Variants in ARHGAP24 observed in about 807,000 individuals in gnomAD.
ARHGAP24 encodes the protein Rho GTPase activating protein 24.
Under a neutral mutation model 76.4 loss-of-function variants are expected in ARHGAP24, and 50 were observed. The ratio of observed to expected loss-of-function variants is 0.65; its 90% CI spans 0.52 to 0.83. The LOEUF is 0.83. ARHGAP24 is among the 40% of genes least tolerant of loss of function. ARHGAP24 has a pLI of 0.00. For missense variants in ARHGAP24, 930 were observed against 914.2 expected (o/e 1.02, Z -0.22); for synonymous variants, 345 against 323.3 (o/e 1.07, Z -0.72).
At chr4:85,694,519 A>G (rs1723798166) in intron 2 of ARHGAP24, among the ~76,000 whole-genome samples, 1 of 152,138 alleles carries the variant, frequency 6.6e-6, no homozygotes, top group Non-Finnish European at 1.5e-5. Context: ...ATTGTTATTA[A>G]CAAGTATTAA....
chr4:85,518,060 T>C (rs565049200), intron 1 of ARHGAP24, among the ~76,000 whole-genome samples: 30 of 152,200 alleles, frequency 2.0e-4, no homozygotes, highest in African/African-American at 7.2e-4. Context: ...TCTAAGGCCA[T>C]TGAAGTTAGG....
chr4:85,632,963 A>G (rs1441684404), intron 2 of ARHGAP24, among the ~76,000 whole-genome samples: 1 of 151,764 alleles, frequency 6.6e-6, no homozygotes, highest in East Asian at 1.9e-4. Context: ...TTTTGTTCCA[A>G]TGGGTAACAT....
At chr4:85,981,866 G>A (rs973851751) in intron 8 of ARHGAP24, among the ~76,000 whole-genome samples, 8 of 151,988 alleles carry the variant, frequency 5.3e-5, no homozygotes, top group Non-Finnish European at 1.0e-4. Context: ...ACTTTTAGCC[G>A]CTCTTCTTAA....
intron 2 of ARHGAP24, among the ~76,000 whole-genome samples, chr4:85,664,532 A>C (rs560919879): frequency 6.7e-6 from 1 of 150,162 alleles, no homozygotes; most frequent in East Asian, 1.9e-4. Context: ...CTCTGATTTT[A>C]GTTATTTCTT....
rs779499241 is a variant in ARHGAP24 at position 85,994,578 on chromosome 4, T to C, written c.929-5T>C. On this transcript the variant is annotated splice_region_variant and splice_polypyrimidine_tract_variant and intron_variant, in intron 8 of 9. Transcript: ENST00000395184. The stretch of plus-strand genomic sequence containing the variant: ...CATGCTACTTTATGTTCTATGCAAT[T>C]CTAGGCACTGTGGTGGTCCAGCAGT... 6.2e-7 allele frequency: 1 copy of C among 1,613,978 alleles called. No individual in the cohort carries two copies. Among genetic ancestry groups the C allele is most frequent in the Non-Finnish European group, 8.5e-7 (1 of 1,179,858 alleles).
chr4:85,982,040 T>C lies in ARHGAP24; in HGVS notation c.928+4349T>C, dbSNP rs149351681. ...GGGATTTGTCTCGACCAACATGTATTTGGGGCTTTTGGGAGATACCCTGTC... is the reference window on the plus strand; with the variant it reads ...GGGATTTGTCTCGACCAACATGTATCTGGGGCTTTTGGGAGATACCCTGTC... On this transcript the variant is annotated intron_variant, in intron 8 of 9. Coordinates refer to ENST00000395184, the MANE Select transcript of ARHGAP24 (RefSeq NM_001025616.3). Among the ~76,000 whole-genome samples the C allele has an allele frequency of 5.2e-3, 794 of 151,842 alleles. 4 individuals carry two copies. Among genetic ancestry groups the C allele is most frequent in the Non-Finnish European group, 8.5e-3 (578 of 67,962 alleles).
intron 3 of ARHGAP24, among the ~76,000 whole-genome samples, chr4:85,810,903 T>C (rs1325969932): frequency 6.6e-6 from 1 of 152,204 alleles, no homozygotes; most frequent in African/African-American, 2.4e-5. Context: ...AACATGTCCA[T>C]TAATCAAAAC....
chr4:85,717,281 A>G (rs900664685), intron 2 of ARHGAP24, among the ~76,000 whole-genome samples: 1 of 152,078 alleles, frequency 6.6e-6, no homozygotes, highest in African/African-American at 2.4e-5. Context: ...TAGTTTCTGT[A>G]CATGTTTCTT....
At chr4:85,482,109 G>T (rs1271142093) in intron 1 of ARHGAP24, among the ~76,000 whole-genome samples, 4 of 152,328 alleles carry the variant, frequency 2.6e-5, no homozygotes, top group African/African-American at 9.6e-5. Flanking sequence ...AAGAAAATAT[G>T]ATCCGGGGGA....
intron 3 of ARHGAP24, among the ~76,000 whole-genome samples, chr4:85,736,387 AGAAG>A (rs970610452): frequency 6.0e-4 from 92 of 152,136 alleles, no homozygotes; most frequent in African/African-American, 1.8e-3. Context: ...AAAGAAAGAA[AGAAG>A]GAAGGAAGGA....
chr4:85,832,456 G>C (rs1023823715), intron 3 of ARHGAP24, among the ~76,000 whole-genome samples: 1 of 152,168 alleles, frequency 6.6e-6, no homozygotes, highest in East Asian at 1.9e-4. Flanking sequence ...GGCCCACAAG[G>C]CCTCAGATGA....
chr4:85,570,543 TGGA>T lies in ARHGAP24; in HGVS notation c.7_9del (p.Glu3?). 1 of 1,613,896 alleles carries T rather than the reference TGGA, an allele frequency of 6.2e-7. No individual in the cohort carries two copies. Among genetic ancestry groups the T allele is most frequent in the Non-Finnish European group, 8.5e-7 (1 of 1,179,970 alleles). On this transcript the variant is annotated start_lost and inframe_deletion, in exon 2 of 10. Coordinates refer to ENST00000395184, the MANE Select transcript of ARHGAP24 (RefSeq NM_001025616.3). ...CTAGGAAAGTCCATCAGCTTGATAA[TGGA>T]GGAGAACAATGACTCCACGGAGAAC...
chr4:85,860,205 A>G (rs2110175039), intron 3 of ARHGAP24, among the ~76,000 whole-genome samples: 1 of 152,234 alleles, frequency 6.6e-6, no homozygotes, highest in Non-Finnish European at 1.5e-5. Context: ...GATGAATTAC[A>G]GGGTAAGGTA....
intron 2 of ARHGAP24, among the ~76,000 whole-genome samples, chr4:85,598,592 GA>G (rs2109986332): frequency 6.6e-6 from 1 of 152,086 alleles, no homozygotes; most frequent in Non-Finnish European, 1.5e-5. Flanking sequence ...ATAATAAGAT[GA>G]ATAGGATCAA....
At chr4:85,633,936 G>T (rs1417992808) in intron 2 of ARHGAP24, among the ~76,000 whole-genome samples, 1 of 151,768 alleles carries the variant, frequency 6.6e-6, no homozygotes, top group African/African-American at 2.4e-5. Context: ...TCATTGAAAA[G>T]TCTTTAGTTG....
chr4:85,629,889 A>T (rs1273881419), intron 2 of ARHGAP24, among the ~76,000 whole-genome samples: 1 of 152,030 alleles, frequency 6.6e-6, no homozygotes, highest in Non-Finnish European at 1.5e-5. Flanking sequence ...TACCTTGACA[A>T]ATTTGGGGTT....
In ARHGAP24 at chr4:85,651,321, G is replaced by A. The variant is rs565216829; in HGVS notation, c.181-70564G>A. ...TTGGGGGTGTTGTAGGGAAAAGATCGATAAGGAGACTAATTCATCAGTCCA... is the reference window on the plus strand; with the variant it reads ...TTGGGGGTGTTGTAGGGAAAAGATCAATAAGGAGACTAATTCATCAGTCCA... On this transcript the variant is annotated intron_variant, in intron 2 of 9. Transcript: ENST00000395184. Among the ~76,000 whole-genome samples the A allele has an allele frequency of 3.8e-4, 56 of 149,286 alleles. 9 individuals are homozygous for A. The highest frequency in any genetic ancestry group is 1.4e-3 in the African/African-American group (55 of 38,776).
chr4:85,713,053 G>A (rs547923499), intron 2 of ARHGAP24, among the ~76,000 whole-genome samples: 4 of 152,096 alleles, frequency 2.6e-5, no homozygotes, highest in African/African-American at 7.2e-5. Flanking sequence ...ATCCCAGCAC[G>A]TGAAGAGTCT....
intron 5 of ARHGAP24, among the ~76,000 whole-genome samples, chr4:85,957,058 T>C (rs1737959436): frequency 6.6e-6 from 1 of 152,176 alleles, no homozygotes; most frequent in Non-Finnish European, 1.5e-5. Context: ...TAGTGAGCTT[T>C]CTTTACTATC....
Sources: gnomAD v4.1 joint callset for allele counts (sites outside exome capture counted in the v4.1 genomes callset) on GRCh38, gnomAD v4.1.1 for gene constraint, MANE v1.5 for transcripts, NCBI Gene and HGNC (gene_info 2026-07-23, HGNC 2026-07-21) for gene names.